The following NRG3 variants were observed in gnomAD, a reference collection of about 807,000 sequenced individuals.
The protein encoded by NRG3 is neuregulin 3, also known as pro-neuregulin-3, membrane-bound isoform.
NRG3 carries 31 observed loss-of-function variants against 66.9 expected under a neutral mutation model. The ratio of observed to expected loss-of-function variants is 0.46; its 90% CI spans 0.35 to 0.63. The LOEUF is 0.63. Ranked by LOEUF, NRG3 falls within the 20% of genes least tolerant of loss-of-function variation. The pLI is 0.00. For synonymous variants in NRG3, 393 were observed against 359.4 expected, an observed-to-expected ratio of 1.09 and a Z score of -1.06; for missense variants, 910 against 878.9, an observed-to-expected ratio of 1.04 and a Z score of -0.45.
At chr10:82,212,850 A>C (rs985048850) in intron 1 of NRG3, among the ~76,000 whole-genome samples, 1 of 152,246 alleles carries the variant, frequency 6.6e-6, no homozygotes, top group African/African-American at 2.4e-5. Context: ...ATACGTAAGT[A>C]AAACCTTTTA....
In NRG3 at chr10:82,979,115, C is replaced by T; in HGVS notation, c.1578C>T (p.Cys526=). 6.2e-7 allele frequency: 1 copy of T among 1,613,884 alleles called. No individual in the cohort carries two copies. The highest frequency in any genetic ancestry group is 1.1e-5 in the South Asian group (1 of 91,066). The change falls in exon 8 of 9, where the codon TGC becomes TGT. Residue 526 remains cysteine, a synonymous_variant. Coordinates refer to ENST00000372141, the MANE Select transcript of NRG3 (RefSeq NM_001010848.4). The part of the protein sequence containing the change: ...SRIPDQDTIP[C]QGYSSSGLKT... ...TCCCAGACCAGGATACGATACCTTG[C>T]CAAGGGTAGGTCTTAAAACAGCAGT...
rs536928659 is a variant in NRG3 at position 82,842,244 on chromosome 10, G to A, written c.1028-23167G>A. The stretch of plus-strand genomic sequence containing the variant: ...CCAGCCTGGGCAACAAAGCGAGACT[G>A]AGTCTAACAATTAAAAAATAAAGGG... On this transcript the variant is annotated intron_variant, in intron 3 of 8. Coordinates refer to ENST00000372141, the MANE Select transcript of NRG3 (RefSeq NM_001010848.4). Among the ~76,000 whole-genome samples the A allele has an allele frequency of 2.6e-5, 4 of 152,222 alleles. No individual in the cohort carries two copies. The East Asian group carries it at 7.7e-4, about 29-fold the overall frequency.
At chr10:82,656,281 T>C (rs1351742626) in intron 2 of NRG3, among the ~76,000 whole-genome samples, 3 of 151,014 alleles carry the variant, frequency 2.0e-5, no homozygotes, top group Admixed American at 6.6e-5. Context: ...TGGTGATCTC[T>C]TACTTTTCTT....
At chr10:82,116,356 G>A (rs887791428) in intron 1 of NRG3, among the ~76,000 whole-genome samples, 1 of 152,092 alleles carries the variant, frequency 6.6e-6, no homozygotes, top group Non-Finnish European at 1.5e-5. Flanking sequence ...ACAGCGCTCT[G>A]GTTTCCTGAG....
At chr10:81,884,597 A>G (rs1842456838) in intron 1 of NRG3, among the ~76,000 whole-genome samples, 1 of 152,188 alleles carries the variant, frequency 6.6e-6, no homozygotes, top group Admixed American at 6.6e-5. Context: ...TATAACAACT[A>G]TTTACATAGC....
At chr10:82,248,531 G>C (rs2077348604) in intron 1 of NRG3, among the ~76,000 whole-genome samples, 2 of 152,262 alleles carry the variant, frequency 1.3e-5, no homozygotes, top group Middle Eastern at 3.4e-3. Context: ...TGCATGTAAA[G>C]TTGGTTTTAG....
At chr10:82,745,191 T>C (rs1343019550) in intron 3 of NRG3, among the ~76,000 whole-genome samples, 1 of 152,200 alleles carries the variant, frequency 6.6e-6, no homozygotes. Flanking sequence ...TGCAGTGAGC[T>C]ATTCACACAG....
At chr10:82,529,089 G>A (rs996525686) in intron 2 of NRG3, among the ~76,000 whole-genome samples, 6 of 152,164 alleles carry the variant, frequency 3.9e-5, no homozygotes, top group Admixed American at 6.6e-5. Context: ...TTTAACATGC[G>A]CTTAGAAGTC....
intron 2 of NRG3, among the ~76,000 whole-genome samples, chr10:82,666,183 T>C (rs1193339337): frequency 3.9e-5 from 6 of 152,190 alleles, no homozygotes; most frequent in African/African-American, 7.2e-5. Context: ...CAGCCATCAG[T>C]TGCTGGAGAG....
intron 1 of NRG3, among the ~76,000 whole-genome samples, chr10:82,286,331 G>A (rs1347027319): frequency 6.6e-6 from 1 of 152,114 alleles, no homozygotes; most frequent in Non-Finnish European, 1.5e-5. Flanking sequence ...GGTGGTGTGT[G>A]TGTATGTTGA....
At chr10:82,376,268 GAGCA>G (rs1453686316) in intron 2 of NRG3, among the ~76,000 whole-genome samples, 3 of 152,268 alleles carry the variant, frequency 2.0e-5, no homozygotes, top group Admixed American at 2.0e-4. Flanking sequence ...AACACATGCA[GAGCA>G]AACAAATTTG....
At chr10:82,821,589 G>T (rs567521928) in intron 3 of NRG3, among the ~76,000 whole-genome samples, 3 of 151,850 alleles carry the variant, frequency 2.0e-5, no homozygotes, top group South Asian at 4.2e-4. Context: ...TATAAACTTA[G>T]TAAGCATAAT....
intron 4 of NRG3, among the ~76,000 whole-genome samples, chr10:82,897,513 G>A (rs920614054): frequency 6.6e-6 from 1 of 151,960 alleles, no homozygotes; most frequent in African/African-American, 2.4e-5. Context: ...GAACTAACAT[G>A]TCTTTTTTGT....
At chr10:82,862,386 A>G (rs1308563134) in intron 3 of NRG3, among the ~76,000 whole-genome samples, 1 of 152,216 alleles carries the variant, frequency 6.6e-6, no homozygotes, top group African/African-American at 2.4e-5. Flanking sequence ...CTCAAGGTTT[A>G]GCTTATAGTA....
chr10:82,499,059 A>G (rs1346833691), intron 2 of NRG3, among the ~76,000 whole-genome samples: 2 of 152,172 alleles, frequency 1.3e-5, no homozygotes, highest in Non-Finnish European at 2.9e-5. Flanking sequence ...AGGAAATGCC[A>G]TTAGACACTG....
At chr10:81,929,232 T>C (rs1393774462) in intron 1 of NRG3, among the ~76,000 whole-genome samples, 4 of 152,148 alleles carry the variant, frequency 2.6e-5, no homozygotes, top group Non-Finnish European at 5.9e-5. Flanking sequence ...TTTAATTTTG[T>C]GTGCAGACAA....
Position 82,268,231 on chromosome 10 carries a change from A to T in NRG3, c.824-90508A>T, listed in dbSNP as rs1392566142. Among the ~76,000 whole-genome samples the T allele has an allele frequency of 2.0e-5, 3 of 152,218 alleles. No homozygotes were observed. The South Asian group carries it at 6.2e-4, about 32-fold the overall frequency. On this transcript the variant is annotated intron_variant, in intron 1 of 8. Transcript: ENST00000372141. ...GCTTTTATTTTACAGGGGTACTATT[A>T]TCATTTTCCTTTTTCAGAGGAGAAA... is the stretch of plus-strand genomic sequence containing the variant.
chr10:82,475,253 A>G (rs377194250), intron 2 of NRG3, among the ~76,000 whole-genome samples: 3 of 152,254 alleles, frequency 2.0e-5, no homozygotes, highest in African/African-American at 7.2e-5. Context: ...AACTAAATTC[A>G]GAAATGAAAG....
At chr10:81,898,596 GTATGACTTGATGTAA>G (rs1843737023) in intron 1 of NRG3, among the ~76,000 whole-genome samples, 1 of 152,162 alleles carries the variant, frequency 6.6e-6, no homozygotes, top group African/African-American at 2.4e-5. Flanking sequence ...ATGGGCTGCA[GTATGACTTGATGTAA>G]AATATTTCAG....
Sources: allele counts gnomAD v4.1 joint callset (sites outside exome capture counted in the v4.1 genomes callset), GRCh38; gene constraint gnomAD v4.1.1; transcripts MANE v1.5; gene names NCBI Gene and HGNC (gene_info 2026-07-23, HGNC 2026-07-21).